OLFM2: variants seen among roughly 807,000 people sequenced by gnomAD.
OLFM2 encodes noelin-2.
In OLFM2, 20 loss-of-function variants were observed where a neutral mutation model predicts 43.9. The observed-to-expected ratio is 0.46, with a 90% CI of 0.32 to 0.66. The LOEUF is 0.66. Among genes scored for constraint, OLFM2 ranks in the 30% least tolerant of loss-of-function variants. The pLI, the probability that OLFM2 is intolerant of heterozygous loss-of-function variation, is 0.04. For synonymous variants in OLFM2, 268 were observed against 278.6 expected (o/e 0.96, Z 0.38); for missense variants, 416 against 643.6 (o/e 0.65, Z 3.83).
chr19:9,898,136 C>A (rs2046702753), intron 1 of OLFM2, among the ~76,000 whole-genome samples: 1 of 146,762 alleles, frequency 6.8e-6, no homozygotes, highest in Non-Finnish European at 1.5e-5. Context: ...GTCTCGAACT[C>A]CTGACCTCAG....
intron 1 of OLFM2, among the ~76,000 whole-genome samples, chr19:9,914,496 G>C (rs1454615155): frequency 6.6e-6 from 1 of 152,024 alleles, no homozygotes; most frequent in Non-Finnish European, 1.5e-5. Flanking sequence ...GGTCACTTCG[G>C]CCACGGGAGG....
intron 1 of OLFM2, among the ~76,000 whole-genome samples, chr19:9,895,516 A>AATAC (rs2046676049): frequency 6.9e-6 from 1 of 144,672 alleles, no homozygotes. Context: ...TAAATAAATA[A>AATAC]ATGTAAAATA....
intron 1 of OLFM2, among the ~76,000 whole-genome samples, chr19:9,890,677 G>C (rs1024748988): frequency 6.6e-6 from 1 of 152,196 alleles, no homozygotes; most frequent in African/African-American, 2.4e-5. Flanking sequence ...TGTGGACCAG[G>C]TGTGGTGGCT....
chr19:9,915,213 T>C (rs2046865088), intron 1 of OLFM2, among the ~76,000 whole-genome samples: 1 of 149,248 alleles, frequency 6.7e-6, no homozygotes, highest in Admixed American at 6.9e-5. Flanking sequence ...CTGTGTGAAA[T>C]TGAATATTCT....
intron 1 of OLFM2, among the ~76,000 whole-genome samples, chr19:9,924,374 C>A (rs2086439129): frequency 7.0e-6 from 1 of 142,454 alleles, no homozygotes; most frequent in Non-Finnish European, 1.5e-5. Context: ...CCACTGCACT[C>A]CAGCCTGGGC....
At position 9,854,762 on chromosome 19, in the gene OLFM2, G is replaced by A; in HGVS notation, c.789C>T (p.Pro263=). The A allele has an allele frequency of 6.2e-7, 1 of 1,613,486 alleles. No individual in the cohort carries two copies. Among genetic ancestry groups the A allele is most frequent in the African/African-American group, 1.3e-5 (1 of 75,038 alleles). Residue 263 remains proline (P), a synonymous_variant, in exon 6 of 6, where the codon CCC becomes CCT. Transcript: ENST00000264833. This position sits in a 1 kb window ranked among gnomAD's most constrained non-coding sequence, Gnocchi z 9.5. ...KGQNFIQHLL[P]QPWAGTGHVV... Reference sequence around the variant, plus strand: ...CGTGGCCCGTGCCCGCCCACGGCTGGGGCAGCAGGTGCTGGATAAAGTTCT... The same window carrying A: ...CGTGGCCCGTGCCCGCCCACGGCTGAGGCAGCAGGTGCTGGATAAAGTTCT...
chr19:9,878,316 C>T (rs946424321), intron 1 of OLFM2, among the ~76,000 whole-genome samples: 2 of 150,848 alleles, frequency 1.3e-5, no homozygotes, highest in Non-Finnish European at 2.9e-5. Context: ...ACCATCTGAG[C>T]TTCAATCTTG....
At chr19:9,914,888 G>A (rs1373449297) in intron 1 of OLFM2, among the ~76,000 whole-genome samples, 1 of 150,908 alleles carries the variant, frequency 6.6e-6, no homozygotes, top group African/African-American at 2.4e-5. Flanking sequence ...GGCCGCCGCC[G>A]TCTGGAGGCG....
rs1037356757 is a variant in OLFM2, at chr19:9,856,943, TG to T, written c.581-31del. ...GAGGCAGGAACAGGGGGAATGAGGA[TG>T]GGGAAATGAACAGCCCAAGAGAGGC... On this transcript the variant is annotated intron_variant, in intron 4 of 5. Coordinates refer to ENST00000264833, the MANE Select transcript of OLFM2 (RefSeq NM_058164.4). The surrounding 1 kb of genome is among the most constrained non-coding windows in gnomAD (Gnocchi z 4.0). 7 of 1,544,134 alleles carry T rather than the reference TG, an allele frequency of 4.5e-6. No homozygotes were observed. Among genetic ancestry groups the T allele is most frequent in the African/African-American group, 4.1e-5 (3 of 73,668 alleles).
chr19:9,882,364 C>G (rs1438950851), intron 1 of OLFM2, among the ~76,000 whole-genome samples: 3 of 150,364 alleles, frequency 2.0e-5, no homozygotes, highest in African/African-American at 7.4e-5. Context: ...CAGTGAAACC[C>G]CGTCTCTACT....
At chr19:9,930,414 A>G (rs574986544) in intron 1 of OLFM2, among the ~76,000 whole-genome samples, 15 of 152,126 alleles carry the variant, frequency 9.9e-5, no homozygotes, top group African/African-American at 3.4e-4. Flanking sequence ...ACTATAGCTG[A>G]ACTCTGTACC....
Position 9,896,290 on chromosome 19 carries a change from A to G in OLFM2, c.64-35496T>C, listed in dbSNP as rs59711840. On this transcript the variant is annotated intron_variant, in intron 1 of 5. Transcript: ENST00000264833. ...TAATTTTTGTATTTTTAGTAGAGAC[A>G]GGGTTTCACTGTGTTAGCCAGGATG... Among the ~76,000 whole-genome samples, 1,513 of 151,868 alleles carry G rather than the reference A, an allele frequency of 1.0e-2. 14 individuals are homozygous for G. The highest frequency in any genetic ancestry group is 0.034 in the African/African-American group (1,418 of 41,456).
At chr19:9,887,684 C>T (rs1293412675) in intron 1 of OLFM2, among the ~76,000 whole-genome samples, 1 of 151,992 alleles carries the variant, frequency 6.6e-6, no homozygotes, top group East Asian at 1.9e-4. Context: ...CCTGTGAACA[C>T]ATGAATCACA....
chr19:9,890,569 G>A (rs1225190252), intron 1 of OLFM2, among the ~76,000 whole-genome samples: 1 of 152,232 alleles, frequency 6.6e-6, no homozygotes, highest in African/African-American at 2.4e-5. Context: ...TTAGGCACAT[G>A]ATGGGGCTGT....
At position 9,889,920 on chromosome 19, in the gene OLFM2, A is replaced by ATT. The variant is rs149190423; in HGVS notation, c.64-29128_64-29127dup. On this transcript the variant is annotated intron_variant, in intron 1 of 5. Transcript: ENST00000264833. ...GACGAATCCTGGTTCATAAATTCCAATTTTTTTTTTTTTATATCTGCCTCA... is the reference window on the plus strand; with the variant it reads ...GACGAATCCTGGTTCATAAATTCCAATTTTTTTTTTTTTTTATATCTGCCTCA... Among the ~76,000 whole-genome samples the ATT allele has an allele frequency of 4.7e-4, 69 of 147,728 alleles. 1 individual carries two copies. Among genetic ancestry groups the ATT allele is most frequent in the East Asian group, 2.0e-3 (10 of 5,024 alleles).
intron 1 of OLFM2, among the ~76,000 whole-genome samples, chr19:9,925,397 C>T (rs2086446721): frequency 6.6e-6 from 1 of 152,090 alleles, no homozygotes; most frequent in African/African-American, 2.4e-5. Context: ...AGCGCAGTCG[C>T]CGTAGAAAAC....
chr19:9,868,309 G>C (rs562595571), intron 1 of OLFM2, among the ~76,000 whole-genome samples: 1 of 152,048 alleles, frequency 6.6e-6, no homozygotes, highest in East Asian at 1.9e-4. Context: ...TGATCTGCCC[G>C]CCTTACCCTC....
Position 9,860,805 on chromosome 19 carries a change from G to A in OLFM2, c.64-11C>T, listed in dbSNP as rs1041566898. The A allele has an allele frequency of 5.0e-6, 8 of 1,598,614 alleles. No individual in the cohort carries two copies. Among genetic ancestry groups the A allele is most frequent in the Non-Finnish European group, 6.0e-6 (7 of 1,175,224 alleles). ...GTTCTGGAAGAGAGTCTGCAAAGAGGTGGGGGTCAGAGACCGGAATCCCAG... is the reference window on the plus strand; with the variant it reads ...GTTCTGGAAGAGAGTCTGCAAAGAGATGGGGGTCAGAGACCGGAATCCCAG... On this transcript the variant is annotated splice_polypyrimidine_tract_variant and intron_variant, in intron 1 of 5. Coordinates refer to ENST00000264833, the MANE Select transcript of OLFM2 (RefSeq NM_058164.4).
At chr19:9,924,889 G>A (rs2086443279) in intron 1 of OLFM2, among the ~76,000 whole-genome samples, 1 of 147,704 alleles carries the variant, frequency 6.8e-6, no homozygotes, top group Non-Finnish European at 1.5e-5. Flanking sequence ...ATATATATGT[G>A]ATATATATAT....
Sources: gnomAD v4.1 joint callset for allele counts (sites outside exome capture counted in the v4.1 genomes callset) on GRCh38, gnomAD v4.1.1 for gene constraint, Gnocchi (gnomAD v3.1) non-coding constraint, MANE v1.5 for transcripts, NCBI Gene and HGNC (gene_info 2026-07-23, HGNC 2026-07-21) for gene names.